The following LRRC8A variants were observed in gnomAD, a reference collection of about 807,000 sequenced individuals.
LRRC8A encodes leucine rich repeat containing 8 VRAC subunit A, also known as volume-regulated anion channel subunit LRRC8A.
LRRC8A carries 24 observed loss-of-function variants against 52.5 expected under a neutral mutation model. That is an observed-to-expected ratio of 0.46 (90% CI 0.33 to 0.64). The LOEUF (loss-of-function observed/expected upper bound fraction) is 0.64, where lower values mean the gene tolerates loss of function less well. Among genes scored for constraint, LRRC8A ranks in the 30% least tolerant of loss-of-function variants. The pLI is 0.02. For synonymous variants in LRRC8A, 492 were observed against 494.2 expected (o/e 1.00, Z 0.06); for missense variants, 677 against 1,094.7 (o/e 0.62, Z 5.38).
chr9:128,908,337 C>T lies in LRRC8A; in HGVS notation c.1173C>T (p.Ala391=), dbSNP rs764226086. Residue 391 remains alanine (A), a synonymous_variant, in exon 3 of 4, where the codon GCC becomes GCT. Coordinates refer to ENST00000372600, the MANE Select transcript of LRRC8A (RefSeq NM_019594.4). ...ACCCGCTCTACTCCAAGCGCTTCGC[C>T]GTCTTCCTGTCGGAGGTGAGTGAGA... ...QYDPLYSKRF[A]VFLSEVSENK... 19 of 1,614,096 alleles carry T rather than the reference C, an allele frequency of 1.2e-5. No homozygotes were observed. The highest frequency in any genetic ancestry group is 2.2e-5 in the East Asian group (1 of 44,886).
chr9:128,909,127 C>A lies in LRRC8A; in HGVS notation c.1963C>A (p.Pro655Thr). Residue 655 changes from proline to threonine, a missense_variant, in exon 3 of 4, where the codon CCC becomes ACC. Coordinates refer to ENST00000372600, the MANE Select transcript of LRRC8A (RefSeq NM_019594.4). ...KLWYNHIAYI[P>T]IQIGNLTNLE... The stretch of plus-strand genomic sequence containing the variant: ...GTGGTACAACCACATCGCCTACATC[C>A]CCATCCAGATCGGCAACCTCACCAA... 6.2e-7 allele frequency: 1 copy of A among 1,614,186 alleles called. No individual in the cohort carries two copies. Among genetic ancestry groups the A allele is most frequent in the Non-Finnish European group, 8.5e-7 (1 of 1,180,048 alleles).
intron 2 of LRRC8A, among the ~76,000 whole-genome samples, chr9:128,896,282 T>C (rs7024324): frequency 0.028 from 4,299 of 152,326 alleles, 189 homozygotes; most frequent in African/African-American, 0.097. Flanking sequence ...TTAAAGCATT[T>C]CCATTGTATG....
rs1840379436 is a variant in LRRC8A at position 128,908,982 on chromosome 9, C to A, written c.1818C>A (p.Ile606=). ...TGATCCGCTGTGACCTGGAGCGCAT[C>A]CCCCACTCCATCTTCAGCCTCCACA... The part of the protein sequence containing the change: ...LELIRCDLER[I]PHSIFSLHNL... Residue 606 remains isoleucine, a synonymous_variant, in exon 3 of 4, where the codon ATC becomes ATA. Coordinates refer to ENST00000372600, the MANE Select transcript of LRRC8A (RefSeq NM_019594.4). The A allele has an allele frequency of 1.9e-6, 3 of 1,614,134 alleles. No individual in the cohort carries two copies. The highest frequency in any genetic ancestry group is 2.5e-6 in the Non-Finnish European group (3 of 1,180,016).
rs1286428915 is a variant in LRRC8A, at chr9:128,899,931, G to GA, written c.-8-7220dup. Among the ~76,000 whole-genome samples, 1 of 152,072 alleles carries GA rather than the reference G, an allele frequency of 6.6e-6. No individual in the cohort carries two copies. The highest frequency in any genetic ancestry group is 1.5e-5 in the Non-Finnish European group (1 of 68,020). On this transcript the variant is annotated intron_variant, in intron 2 of 3. Transcript: ENST00000372600. This position sits in a 1 kb window ranked among gnomAD's most constrained non-coding sequence, Gnocchi z 4.0. Reference sequence around the variant, plus strand: ...TATGACAGTCTAAAAAAATTGAGGGGAAAAAATGGACCTGGAAACAATGGG... The same window carrying GA: ...TATGACAGTCTAAAAAAATTGAGGGGAAAAAAATGGACCTGGAAACAATGGG...
At chr9:128,894,070 G>A (rs1156462528) in intron 2 of LRRC8A, among the ~76,000 whole-genome samples, 3 of 151,938 alleles carry the variant, frequency 2.0e-5, no homozygotes, top group Non-Finnish European at 4.4e-5. Flanking sequence ...TAGTAGAGAC[G>A]GGGTTTCGCC....
At position 128,908,655 on chromosome 9, in the gene LRRC8A, G is replaced by A. The variant is rs779817904; in HGVS notation, c.1491G>A (p.Ala497=). 86 of 1,612,670 alleles carry A rather than the reference G, an allele frequency of 5.3e-5. No homozygotes were observed. The highest frequency in any genetic ancestry group is 6.6e-5 in the South Asian group (6 of 91,080). Residue 497 remains alanine (A), a synonymous_variant, in exon 3 of 4, where the codon GCG becomes GCA. Transcript: ENST00000372600. ...CCTTCCTGCGTGAGAACCTGCGGGC[G>A]CTGCACATCAAGTTCACCGACATCA... ...ALAFLRENLR[A]LHIKFTDIKE...
At chr9:128,895,052 A>G (rs1450705507) in intron 2 of LRRC8A, among the ~76,000 whole-genome samples, 5 of 152,130 alleles carry the variant, frequency 3.3e-5, no homozygotes, top group African/African-American at 1.2e-4. Context: ...TTTTCTGTCT[A>G]TTCACTTATG....
Position 128,908,019 on chromosome 9 carries a change from C to T in LRRC8A, c.855C>T (p.Tyr285=), listed in dbSNP as rs373107119. ...TCATCATCTGCTACACCGTCTACTA[C>T]GTGCACAACATCAAGTTCGACGTGG... The part of the protein sequence containing the change: ...FILIICYTVY[Y]VHNIKFDVDC... The change falls in exon 3 of 4, where the codon TAC becomes TAT. Residue 285 remains tyrosine, a synonymous_variant. Coordinates refer to ENST00000372600, the MANE Select transcript of LRRC8A (RefSeq NM_019594.4). 581 of 1,614,154 alleles carry T rather than the reference C, an allele frequency of 3.6e-4. 5 individuals are homozygous for T. The South Asian group carries it at 3.8e-3, about 11-fold the overall frequency.
At chr9:128,914,273 A>T (rs1014632667) in intron 3 of LRRC8A, among the ~76,000 whole-genome samples, 7 of 145,468 alleles carry the variant, frequency 4.8e-5, no homozygotes, top group African/African-American at 1.8e-4. Context: ...CCCTGCTGGG[A>T]AAGCCACGTT....
In LRRC8A at chr9:128,917,722, G is replaced by C. The variant is rs1361338887; in HGVS notation, c.*1351G>C. ...GGTTCCAAGCCGGTTCCCGTCCCTG[G>C]CGCCTGGAGTGCACACAGCCCAGTC... On this transcript the variant is annotated 3_prime_UTR_variant, in exon 4 of 4. Transcript: ENST00000372600. 6.5e-6 allele frequency: 1 copy of C among 152,720 alleles called. No homozygotes were observed. Among genetic ancestry groups the C allele is most frequent in the Non-Finnish European group, 1.5e-5 (1 of 68,086 alleles). 9.5% of individuals were successfully genotyped at this position (152,720 alleles called of 1,614,324 possible).
chr9:128,916,259 G>A lies in LRRC8A; in HGVS notation c.2321G>A (p.Gly774Asp), dbSNP rs768916187. Residue 774 changes from glycine (G) to aspartate (D), a missense_variant, in exon 4 of 4, where the codon GGC becomes GAC. By Grantham distance (94) the Gly-to-Asp change is moderately conservative. Around this residue, in one of 4 missense-constraint regions of LRRC8A, gnomAD observed 169 missense variants for 217.6 expected, o/e 0.78. Transcript: ENST00000372600. The surrounding 1 kb of genome is among the most constrained non-coding windows in gnomAD (Gnocchi z 6.1). ...CTGGAGTGCCTGCCTGTGGAGCTGGGCGAGTGCCCACTGCTCAAGCGCAGC... is the reference window on the plus strand; with the variant it reads ...CTGGAGTGCCTGCCTGTGGAGCTGGACGAGTGCCCACTGCTCAAGCGCAGC... The part of the protein sequence containing the change: ...NRLECLPVEL[G>D]ECPLLKRSGL... 2 of 1,613,846 alleles carry A rather than the reference G, an allele frequency of 1.2e-6. No homozygotes were observed.
chr9:128,914,216 C>G (rs1452734732), intron 3 of LRRC8A, among the ~76,000 whole-genome samples: 1 of 147,664 alleles, frequency 6.8e-6, no homozygotes, highest in African/African-American at 2.5e-5. Context: ...CCCCGCCCCC[C>G]AAAAAAAAAG....
rs2131080081 is a variant in LRRC8A at position 128,917,262 on chromosome 9, T to C, written c.*891T>C. ...GGTGTCTTCCGGATCTGGTGTGACCTTGGTCCAGGAGTTCTATTTGTTCCT... is the reference window on the plus strand; with the variant it reads ...GGTGTCTTCCGGATCTGGTGTGACCCTGGTCCAGGAGTTCTATTTGTTCCT... On this transcript the variant is annotated 3_prime_UTR_variant, in exon 4 of 4. Transcript: ENST00000372600. 1 of 152,670 alleles carries C rather than the reference T, an allele frequency of 6.6e-6. No homozygotes were observed. The highest frequency in any genetic ancestry group is 2.4e-5 in the African/African-American group (1 of 41,538). 9.5% of individuals were successfully genotyped at this position (152,670 alleles called of 1,614,324 possible). A position where few individuals can be genotyped will look rare whatever the true frequency, so the allele number is the denominator to read the frequency against.
At chr9:128,904,777 A>C (rs553448929) in intron 2 of LRRC8A, among the ~76,000 whole-genome samples, 1 of 151,752 alleles carries the variant, frequency 6.6e-6, no homozygotes, top group Non-Finnish European at 1.5e-5. Flanking sequence ...GGCGGATCAC[A>C]AGGTCAGGAG....
At chr9:128,909,347 G>A (rs370085976) in intron 3 of LRRC8A, 26 bp downstream of exon 3, 95 of 1,602,872 alleles carry the variant, frequency 5.9e-5, no homozygotes, top group African/African-American at 4.8e-4. Flanking sequence ...ACAGCTCTGC[G>A]TGTGGGCTGG....
Position 128,907,711 on chromosome 9 carries a change from C to T in LRRC8A, c.547C>T (p.Pro183Ser). Residue 183 changes from proline to serine, a missense_variant, in exon 3 of 4, where the codon CCC (proline) becomes TCC (serine). Pro to Ser is a moderately conservative substitution (Grantham distance 74). Coordinates refer to ENST00000372600, the MANE Select transcript of LRRC8A (RefSeq NM_019594.4). This position sits in a 1 kb window ranked among gnomAD's most constrained non-coding sequence, Gnocchi z 9.3. ...GGAGACAGTGGTGGAGGAGAGCGAC[C>T]CCAAGCCGGCCTTCAGCAAGATGAA... ...LSETVVEESD[P>S]KPAFSKMNGS... The T allele has an allele frequency of 6.2e-7, 1 of 1,613,516 alleles. No individual in the cohort carries two copies. The highest frequency in any genetic ancestry group is 1.3e-5 in the African/African-American group (1 of 75,012).
chr9:128,889,381 A>T (rs1245220871), intron 2 of LRRC8A, among the ~76,000 whole-genome samples: 1 of 152,026 alleles, frequency 6.6e-6, no homozygotes, highest in African/African-American at 2.4e-5. Context: ...ACCGGACGCC[A>T]TTCTTTCAGC....
rs1242313492 is a variant in LRRC8A at position 128,917,820 on chromosome 9, A to ATC, written c.*1450_*1451dup. 6 of 152,654 alleles carry ATC rather than the reference A, an allele frequency of 3.9e-5. No homozygotes were observed. Among genetic ancestry groups the ATC allele is most frequent in the African/African-American group, 1.4e-4 (6 of 41,450 alleles). The allele number at this position is 152,654 out of a possible 1,614,324, so 9.5% of individuals were successfully genotyped here. On this transcript the variant is annotated 3_prime_UTR_variant, in exon 4 of 4. Transcript: ENST00000372600. Reference sequence around the variant, plus strand: ...CACCTTAGAAGGGTCCCCGCCTTAGATCAATCACGTGGACACTAAGGCACG... The same window carrying ATC: ...CACCTTAGAAGGGTCCCCGCCTTAGATCTCAATCACGTGGACACTAAGGCACG...
chr9:128,903,678 G>T (rs1029569782), intron 2 of LRRC8A, among the ~76,000 whole-genome samples: 1 of 151,792 alleles, frequency 6.6e-6, no homozygotes, highest in East Asian at 2.0e-4. Flanking sequence ...CTCCCAAAGT[G>T]CTGGGATTAC....
Sources: allele counts gnomAD v4.1 joint callset (sites outside exome capture counted in the v4.1 genomes callset), GRCh38; gene constraint gnomAD v4.1.1; regional missense constraint gnomAD v4.1.1; non-coding constraint Gnocchi (gnomAD v3.1); transcripts MANE v1.5; gene names NCBI Gene and HGNC (gene_info 2026-07-23, HGNC 2026-07-21).